Variants in RASSF4 observed in about 807,000 individuals in gnomAD.
RASSF4 encodes Ras association domain family member 4, also known as ras association domain-containing protein 4.
Under a neutral mutation model 41.1 loss-of-function variants are expected in RASSF4, and 38 were observed. That is an observed-to-expected ratio of 0.92 (90% confidence interval 0.71 to 1.21). The LOEUF (loss-of-function observed/expected upper bound fraction) is 1.21. RASSF4 is among the 50% of genes most tolerant of loss of function. RASSF4 has a pLI of 0.00. For missense variants in RASSF4, 414 were observed against 419.4 expected (o/e 0.99, Z 0.11); for synonymous variants, 179 against 163.4 (o/e 1.10, Z -0.73).
chr10:44,984,985 TGGCCTCTCCCCTG>T lies in RASSF4; in HGVS notation c.531+19_531+31del. On this transcript the variant is annotated intron_variant, in intron 6 of 10. Coordinates refer to ENST00000340258, the MANE Select transcript of RASSF4 (RefSeq NM_032023.4). ...ACAATCATAAGGTGATGCCCCAGCC[TGGCCTCTCCCCTG>T]GGCGCATGGGGAGCCAGGCCTGAGC... 1 of 1,604,740 alleles carries T rather than the reference TGGCCTCTCCCCTG, an allele frequency of 6.2e-7. No individual in the cohort carries two copies. The highest frequency in any genetic ancestry group is 8.5e-7 in the Non-Finnish European group (1 of 1,177,274).
At chr10:44,976,853 T>A (rs1394372651) in intron 3 of RASSF4, 1 of 152,558 alleles carries the variant, frequency 6.6e-6, no homozygotes, top group East Asian at 1.9e-4. Flanking sequence ...CCGGAATACA[T>A]TAGTGCATTT....
At chr10:44,967,472 T>A (rs909841054) in intron 1 of RASSF4, among the ~76,000 whole-genome samples, 1 of 152,128 alleles carries the variant, frequency 6.6e-6, no homozygotes, top group Non-Finnish European at 1.5e-5. Flanking sequence ...CCCAGAAAAA[T>A]CCAGATTCCT....
chr10:44,993,667 G>A lies in RASSF4; in HGVS notation c.*338G>A, dbSNP rs1289640066. 7.4e-6 allele frequency: 2 copies of A among 271,340 alleles called. No individual in the cohort carries two copies. The highest frequency in any genetic ancestry group is 6.6e-5 in the East Asian group (1 of 15,180). The allele number at this position is 271,340 out of a possible 1,614,324, so 16.8% of individuals were successfully genotyped here. On this transcript the variant is annotated 3_prime_UTR_variant, in exon 11 of 11. Transcript: ENST00000340258. ...GGCTTCATCTGCTTGCACATTGCCT[G>A]TCCCAGAGCCCCTGTGGGTCCACAA... is the stretch of plus-strand genomic sequence containing the variant.
chr10:44,986,875 C>T (rs1358059403), intron 6 of RASSF4, among the ~76,000 whole-genome samples: 2 of 152,188 alleles, frequency 1.3e-5, no homozygotes, highest in Non-Finnish European at 2.9e-5. Flanking sequence ...GGTTTTATTT[C>T]CAGACAGGGT....
At chr10:44,977,508 G>A in intron 3 of RASSF4, 1 of 1,613,382 alleles carries the variant, frequency 6.2e-7, no homozygotes, top group East Asian at 2.2e-5. Context: ...CAGCTTCTTA[G>A]GTCAGAGCTC....
intron 3 of RASSF4, among the ~76,000 whole-genome samples, chr10:44,974,127 A>G (rs369273815): frequency 5.8e-4 from 89 of 152,280 alleles, no homozygotes; most frequent in African/African-American, 2.0e-3. Context: ...AAGCCCCTCC[A>G]GGTCTCACTG....
intron 4 of RASSF4, 91 bp from the exon 5 acceptor site, chr10:44,983,931 C>A: frequency 6.5e-7 from 1 of 1,548,280 alleles, no homozygotes; most frequent in Middle Eastern, 1.7e-4. Flanking sequence ...CCGCCTGTGT[C>A]CTACCCCAGG....
intron 1 of RASSF4, among the ~76,000 whole-genome samples, chr10:44,969,322 A>G (rs1841047216): frequency 6.6e-6 from 1 of 151,968 alleles, no homozygotes; most frequent in African/African-American, 2.4e-5. Flanking sequence ...CCTCAAACCA[A>G]TCAAGGCTGT....
Position 44,993,607 on chromosome 10 carries a change from C to A in RASSF4, c.*278C>A. ...CTGTCCACACCATGCCTCTCCTGCACTGGAGAGCAGTGCTGGCCCAGCCCC... is the reference window on the plus strand; with the variant it reads ...CTGTCCACACCATGCCTCTCCTGCAATGGAGAGCAGTGCTGGCCCAGCCCC... On this transcript the variant is annotated 3_prime_UTR_variant, in exon 11 of 11. Coordinates refer to ENST00000340258, the MANE Select transcript of RASSF4 (RefSeq NM_032023.4). The A allele has an allele frequency of 2.1e-6, 1 of 480,386 alleles. No homozygotes were observed. Among genetic ancestry groups the A allele is most frequent in the Non-Finnish European group, 3.8e-6 (1 of 261,966 alleles). 29.8% of individuals were successfully genotyped at this position (480,386 alleles called of 1,614,324 possible). A position where few individuals can be genotyped will look rare whatever the true frequency, so the allele number is the denominator to read the frequency against.
In RASSF4 at chr10:44,995,785, T is replaced by C. The variant is rs1164988090; in HGVS notation, c.*2456T>C. On this transcript the variant is annotated 3_prime_UTR_variant, in exon 11 of 11. Coordinates refer to ENST00000340258, the MANE Select transcript of RASSF4 (RefSeq NM_032023.4). ...GTCTCTGTGGTTTCCTACTGGTTCC[T>C]GTGGGGAGCTCCCGCTTTCTTTCTA... 6.6e-6 allele frequency: 1 copy of C among 152,226 alleles called. No homozygotes were observed. The highest frequency in any genetic ancestry group is 1.5e-5 in the Non-Finnish European group (1 of 68,042). 9.4% of individuals were successfully genotyped at this position (152,226 alleles called of 1,614,324 possible).
chr10:44,961,814 G>C (rs1840722626), intron 1 of RASSF4, among the ~76,000 whole-genome samples: 1 of 152,228 alleles, frequency 6.6e-6, no homozygotes, highest in African/African-American at 2.4e-5. Context: ...TAAACCCAGA[G>C]CCTTGCAAAG....
At chr10:44,966,559 T>A (rs866589970) in intron 1 of RASSF4, among the ~76,000 whole-genome samples, 4 of 152,254 alleles carry the variant, frequency 2.6e-5, no homozygotes, top group Middle Eastern at 3.4e-3. Flanking sequence ...CCTTTATGGG[T>A]TTCTTTAACC....
At chr10:44,987,208 G>A (rs891657457) in intron 6 of RASSF4, among the ~76,000 whole-genome samples, 12 of 152,130 alleles carry the variant, frequency 7.9e-5, no homozygotes, top group African/African-American at 1.9e-4. Context: ...AGGTTCAAGC[G>A]ATTCTTCTGC....
intron 8 of RASSF4, chr10:44,990,460 A>C (rs1842067406): frequency 6.4e-6 from 1 of 156,496 alleles, no homozygotes; most frequent in Admixed American, 6.2e-5. Flanking sequence ...AAGACAGAGG[A>C]GAAGGGCCTG....
At chr10:44,985,975 C>A (rs1390585410) in intron 6 of RASSF4, among the ~76,000 whole-genome samples, 2 of 152,168 alleles carry the variant, frequency 1.3e-5, no homozygotes, top group Non-Finnish European at 2.9e-5. Flanking sequence ...CAGAGATTAA[C>A]AAAGGTGTAG....
chr10:44,976,525 T>A (rs1841433633), intron 3 of RASSF4: 1 of 152,558 alleles, frequency 6.6e-6, no homozygotes, highest in Non-Finnish European at 1.5e-5. Flanking sequence ...CTGATTCCCG[T>A]TCCCTGATGC....
intron 3 of RASSF4, 106 bp downstream of exon 3, chr10:44,971,954 C>A: frequency 1.4e-6 from 1 of 731,558 alleles, no homozygotes; most frequent in Non-Finnish European, 2.3e-6. Context: ...TCACTCTCAG[C>A]AGTGACCTAG....
intron 1 of RASSF4, among the ~76,000 whole-genome samples, chr10:44,968,645 C>T (rs1269281125): frequency 6.6e-6 from 1 of 152,110 alleles, no homozygotes; most frequent in Non-Finnish European, 1.5e-5. Context: ...GCAAACTGGA[C>T]TGGTCCAAGT....
At chr10:44,975,481 C>T (rs1250102876) in intron 3 of RASSF4, among the ~76,000 whole-genome samples, 1 of 123,234 alleles carries the variant, frequency 8.1e-6, no homozygotes, top group African/African-American at 3.1e-5. Context: ...CCCACCCCCA[C>T]TTCCCTCTCC....
Sources: gnomAD v4.1 joint callset for allele counts (sites outside exome capture counted in the v4.1 genomes callset) on GRCh38, gnomAD v4.1.1 for gene constraint, MANE v1.5 for transcripts, NCBI Gene and HGNC (gene_info 2026-07-23, HGNC 2026-07-21) for gene names.